The following PHC3 variants were observed in gnomAD, a reference collection of about 807,000 sequenced individuals.
PHC3 encodes the protein polyhomeotic-like protein 3.
In PHC3, 13 loss-of-function variants were observed where a neutral mutation model predicts 107.4. The ratio of observed to expected loss-of-function variants is 0.12; its 90% CI spans 0.08 to 0.19. The LOEUF is 0.19. Among genes scored for constraint, PHC3 ranks in the 10% least tolerant of loss-of-function variants. The pLI, the probability that PHC3 is intolerant of heterozygous loss-of-function variation, is 1.00. For synonymous variants in PHC3, 456 were observed against 427.4 expected, an observed-to-expected ratio of 1.07 and a Z score of -0.83; for missense variants, 992 against 1,210.9, an observed-to-expected ratio of 0.82 and a Z score of 2.68.
chr3:170,110,761 T>C (rs1281504715), intron 11 of PHC3, among the ~76,000 whole-genome samples: 1 of 152,230 alleles, frequency 6.6e-6, no homozygotes, highest in Non-Finnish European at 1.5e-5. Flanking sequence ...ATATACTATA[T>C]GTCCATTATA....
intron 1 of PHC3, 39 bp downstream of exon 1, chr3:170,181,663 C>T: frequency 6.2e-7 from 1 of 1,613,276 alleles, no homozygotes; most frequent in Non-Finnish European, 8.5e-7. Context: ...CCAACTCGCC[C>T]CCCCTAGTTA....
Position 170,115,877 on chromosome 3 carries a change from T to TCACACACACACACACA in PHC3, c.2193+1333_2193+1348dup, listed in dbSNP as rs148039100. 6.8e-3 allele frequency among the ~76,000 whole-genome samples: 1,005 copies of TCACACACACACACACA among 148,554 alleles called. 11 individuals carry two copies. The highest frequency in any genetic ancestry group is 0.023 in the African/African-American group (937 of 40,366). On this transcript the variant is annotated intron_variant, in intron 10 of 14. Coordinates refer to ENST00000495893, the MANE Select transcript of PHC3 (RefSeq NM_024947.4). ...AATTGTTATAGGAAATCCAAGTTTC[T>TCACACACACACACACA]CACACACACACACACACACACACAC...
At chr3:170,145,203 C>G (rs1724748126) in intron 6 of PHC3, among the ~76,000 whole-genome samples, 1 of 152,146 alleles carries the variant, frequency 6.6e-6, no homozygotes, top group Non-Finnish European at 1.5e-5. Context: ...CTTGACCAAC[C>G]AATGTCAAAT....
chr3:170,138,314 T>A (rs901329296), intron 6 of PHC3, among the ~76,000 whole-genome samples: 3 of 152,210 alleles, frequency 2.0e-5, no homozygotes, highest in Non-Finnish European at 4.4e-5. Flanking sequence ...ATGGAGTGTC[T>A]TCTCTGATTT....
At position 170,097,222 on chromosome 3, in the gene PHC3, T is replaced by A; in HGVS notation, c.*8A>T. 2.5e-6 allele frequency: 4 copies of A among 1,594,762 alleles called. No homozygotes were observed. Among genetic ancestry groups the A allele is most frequent in the Non-Finnish European group, 3.4e-6 (4 of 1,166,868 alleles). On this transcript the variant is annotated 3_prime_UTR_variant, in exon 15 of 15. Coordinates refer to ENST00000495893, the MANE Select transcript of PHC3 (RefSeq NM_024947.4). This position sits in a 1 kb window ranked among gnomAD's most constrained non-coding sequence, Gnocchi z 4.1. The stretch of plus-strand genomic sequence containing the variant: ...AAACTGCTGTTTTATCAAGGCTTCA[T>A]GTTCCTGTTAAGATTCCTTCAGAGA...
chr3:170,099,367 G>C (rs1715096339), intron 14 of PHC3, among the ~76,000 whole-genome samples: 1 of 152,036 alleles, frequency 6.6e-6, no homozygotes, highest in African/African-American at 2.4e-5. Flanking sequence ...AGTTACATCA[G>C]TATAGAAATT....
chr3:170,170,744 ATTT>A (rs979452236), intron 4 of PHC3: 1 of 152,144 alleles, frequency 6.6e-6, no homozygotes, highest in South Asian at 2.1e-4. Flanking sequence ...AGATACAGAA[ATTT>A]TTTTATTATT....
chr3:170,140,781 A>G (rs894744123), intron 6 of PHC3, among the ~76,000 whole-genome samples: 2 of 150,750 alleles, frequency 1.3e-5, no homozygotes, highest in African/African-American at 4.9e-5. Flanking sequence ...TATTTTTAGT[A>G]GAGACGGGAT....
chr3:170,148,972 A>G (rs924111767), intron 5 of PHC3, 114 bp downstream of exon 5: 7 of 1,099,320 alleles, frequency 6.4e-6, no homozygotes, highest in Non-Finnish European at 9.1e-6. Flanking sequence ...ATGCACACAC[A>G]CACAATTAAA....
chr3:170,176,527 A>T (rs1045703418), intron 2 of PHC3, among the ~76,000 whole-genome samples: 1 of 152,202 alleles, frequency 6.6e-6, no homozygotes, highest in South Asian at 2.1e-4. Context: ...AATAGAAAAA[A>T]TAAGAATTCA....
chr3:170,174,221 A>G (rs930246506), intron 2 of PHC3, among the ~76,000 whole-genome samples: 13 of 151,898 alleles, frequency 8.6e-5, no homozygotes, highest in Admixed American at 7.2e-4. Flanking sequence ...AAATAAAAAT[A>G]AAAAATAAAA....
intron 4 of PHC3, among the ~76,000 whole-genome samples, chr3:170,159,009 T>TGG (rs1727384008): frequency 6.6e-6 from 1 of 151,566 alleles, no homozygotes; most frequent in Non-Finnish European, 1.5e-5. Flanking sequence ...CCCAGCACTT[T>TGG]GGGAGGCCAA....
At chr3:170,159,793 A>AC (rs1387578873) in intron 4 of PHC3, among the ~76,000 whole-genome samples, 1 of 152,182 alleles carries the variant, frequency 6.6e-6, no homozygotes, top group Non-Finnish European at 1.5e-5. Context: ...ACAGGCAGTT[A>AC]CCCCAGAAGA....
chr3:170,169,538 CT>C lies in PHC3; in HGVS notation c.414+1834del, dbSNP rs1183992283. 2.6e-5 allele frequency among the ~76,000 whole-genome samples: 4 copies of C among 152,300 alleles called. No homozygotes were observed. The East Asian group carries it at 7.7e-4, about 29-fold the overall frequency. On this transcript the variant is annotated intron_variant, in intron 4 of 14. Transcript: ENST00000495893. ...TGTAATGTATTATTCCTTTATTTTA[CT>C]GGGAATCTGTTCTTCCTACTTACTT... is the stretch of plus-strand genomic sequence containing the variant.
intron 12 of PHC3, 147 bp downstream of exon 12, chr3:170,106,685 C>A: frequency 2.1e-6 from 1 of 476,910 alleles, no homozygotes; most frequent in Non-Finnish European, 3.6e-6. Flanking sequence ...TTGTATTATT[C>A]TTCTATATAA....
At chr3:170,144,851 G>A (rs1426377922) in intron 6 of PHC3, among the ~76,000 whole-genome samples, 5 of 152,150 alleles carry the variant, frequency 3.3e-5, no homozygotes, top group African/African-American at 1.2e-4. Flanking sequence ...AATTACAGCA[G>A]CGCAGCACCA....
intron 1 of PHC3, among the ~76,000 whole-genome samples, chr3:170,179,411 T>C (rs1731035371): frequency 6.6e-6 from 1 of 152,228 alleles, no homozygotes; most frequent in Admixed American, 6.5e-5. Context: ...CTTAGTTTAG[T>C]TTACCATATA....
rs890438701 is a variant in PHC3 at position 170,140,819 on chromosome 3, A to C, written c.673-4154T>G. On this transcript the variant is annotated intron_variant, in intron 6 of 14. Transcript: ENST00000495893. ...CACCATGTTGGCCAGGCTACTCTCAAACTCCTGACCTCAAGTGATCTGCCT... is the reference window on the plus strand; with the variant it reads ...CACCATGTTGGCCAGGCTACTCTCACACTCCTGACCTCAAGTGATCTGCCT... Among the ~76,000 whole-genome samples, 8 of 150,924 alleles carry C rather than the reference A, an allele frequency of 5.3e-5. No homozygotes were observed. The East Asian group carries it at 1.6e-3, about 30-fold the overall frequency.
chr3:170,126,123 G>C (rs1179197720), intron 8 of PHC3: 5 of 225,704 alleles, frequency 2.2e-5, no homozygotes, highest in Non-Finnish European at 3.7e-5. Flanking sequence ...ATTTTACTTT[G>C]AAAATTCACC....
Sources: gnomAD v4.1 joint callset for allele counts (sites outside exome capture counted in the v4.1 genomes callset) on GRCh38, gnomAD v4.1.1 for gene constraint, Gnocchi (gnomAD v3.1) non-coding constraint, MANE v1.5 for transcripts, NCBI Gene and HGNC (gene_info 2026-07-23, HGNC 2026-07-21) for gene names.